Variants in MYO5B observed in about 807,000 individuals in gnomAD.
MYO5B encodes myosin VB.
Under a neutral mutation model 229.3 loss-of-function variants are expected in MYO5B, and 143 were observed. That is an observed-to-expected ratio of 0.62 (90% CI 0.54 to 0.72). The LOEUF is 0.72. Ranked by LOEUF, MYO5B falls within the 30% of genes least tolerant of loss-of-function variation. MYO5B has a pLI of 0.00. For synonymous variants in MYO5B, 918 were observed against 885.2 expected, an observed-to-expected ratio of 1.04 and a Z score of -0.66; for missense variants, 2,321 against 2,331.0, an observed-to-expected ratio of 1.00 and a Z score of 0.09.
intron 15 of MYO5B, among the ~76,000 whole-genome samples, chr18:49,936,961 T>C (rs1435967334): frequency 6.6e-6 from 1 of 152,134 alleles, no homozygotes; most frequent in African/African-American, 2.4e-5. Flanking sequence ...CCCTCTTGCC[T>C]CCCACACTAG....
chr18:49,833,991 G>A (rs938589441), intron 39 of MYO5B, among the ~76,000 whole-genome samples: 1 of 152,152 alleles, frequency 6.6e-6, no homozygotes, highest in African/African-American at 2.4e-5. Context: ...CCTTTAGTCT[G>A]ACTAGGCACC....
At position 49,864,955 on chromosome 18, in the gene MYO5B, C is replaced by A. The variant is rs185630082; in HGVS notation, c.3604-575G>T. Among the ~76,000 whole-genome samples the A allele has an allele frequency of 1.2e-3, 186 of 152,294 alleles. 1 individual carries two copies. The highest frequency in any genetic ancestry group is 3.5e-3 in the African/African-American group (146 of 41,556). Reference sequence around the variant, plus strand: ...TGTCCCTGTCAGCAGAGGAAAAATACCTACATACAGAATTGAATGTGCTAT... The same window carrying A: ...TGTCCCTGTCAGCAGAGGAAAAATAACTACATACAGAATTGAATGTGCTAT... On this transcript the variant is annotated intron_variant, in intron 27 of 39. Transcript: ENST00000285039.
At chr18:49,974,798 G>GACACACACACAGACACACACACACACAC (rs2025731001) in intron 9 of MYO5B, among the ~76,000 whole-genome samples, 183 bp from the exon 10 acceptor site, 3 of 130,996 alleles carry the variant, frequency 2.3e-5, no homozygotes, top group Non-Finnish European at 1.6e-5. Context: ...CACACACACA[G>GACACACACACAGACACACACACACACAC]ACACACACAC....
In MYO5B at chr18:49,824,645, A is replaced by C. The variant is rs931366494; in HGVS notation, c.*1826T>G. ...TTCAAACTAAAGTGCATTAAAAAAC[A>C]AATTATCCTTCACAAACAACTTTAA... is the stretch of plus-strand genomic sequence containing the variant. On this transcript the variant is annotated 3_prime_UTR_variant, in exon 40 of 40. Coordinates refer to ENST00000285039, the MANE Select transcript of MYO5B (RefSeq NM_001080467.3). 1 of 152,236 alleles carries C rather than the reference A, an allele frequency of 6.6e-6. No homozygotes were observed. Among genetic ancestry groups the C allele is most frequent in the African/African-American group, 2.4e-5 (1 of 41,462 alleles). The allele number at this position is 152,236 out of a possible 1,614,324, so 9.4% of individuals were successfully genotyped here.
At chr18:49,947,497 C>G (rs547719606) in intron 14 of MYO5B, among the ~76,000 whole-genome samples, 1 of 152,130 alleles carries the variant, frequency 6.6e-6, no homozygotes, top group African/African-American at 2.4e-5. Context: ...TTTTAATTGA[C>G]GCATAATAAC....
In MYO5B at chr18:49,863,243, C is replaced by A; in HGVS notation, c.3928G>T (p.Val1310Phe). Residue 1310 changes from valine (V) to phenylalanine (F), a missense_variant, in exon 29 of 40, where the codon GTC becomes TTC. Physicochemically the swap from Val to Phe is conservative, Grantham distance 50 (BLOSUM62 -1). Coordinates refer to ENST00000285039, the MANE Select transcript of MYO5B (RefSeq NM_001080467.3). ...CGGCCTTACCTGTTTGTCTGGCAGA[C>A]CCCGTGATAGGCCTCAATGGCATCC... ...QEDAIEAYHG[V>F]CQTNSKTEDW... 6.2e-7 allele frequency: 1 copy of A among 1,613,076 alleles called. No individual in the cohort carries two copies. The highest frequency in any genetic ancestry group is 8.5e-7 in the Non-Finnish European group (1 of 1,179,916).
At chr18:50,086,789 G>T (rs1212619176) in intron 1 of MYO5B, among the ~76,000 whole-genome samples, 1 of 152,182 alleles carries the variant, frequency 6.6e-6, no homozygotes, top group Non-Finnish European at 1.5e-5. Flanking sequence ...TCTGCTTACA[G>T]GCGGAGGGTG....
intron 22 of MYO5B, among the ~76,000 whole-genome samples, chr18:49,894,543 A>C (rs1026860166): frequency 2.8e-4 from 43 of 152,198 alleles, no homozygotes; most frequent in African/African-American, 8.4e-4. Flanking sequence ...ACAGTGCTGC[A>C]TCATGGGCAA....
At position 49,929,564 on chromosome 18, in the gene MYO5B, C is replaced by T; in HGVS notation, c.2038G>A (p.Ala680Thr). Residue 680 changes from alanine to threonine, a missense_variant, in exon 17 of 40, where the codon GCC becomes ACC. Transcript: ENST00000285039. ...DPKRAVQQLR[A>T]CGVLETIRIS... is the part of the protein sequence containing the mutation. ...CGAATCGTCTCCAACACCCCGCAGGCTCTGAGTTGCTGCACTGCTCTCTTT... is the reference window on the plus strand; with the variant it reads ...CGAATCGTCTCCAACACCCCGCAGGTTCTGAGTTGCTGCACTGCTCTCTTT... 6.2e-7 allele frequency: 1 copy of T among 1,606,876 alleles called. No homozygotes were observed. Among genetic ancestry groups the T allele is most frequent in the South Asian group, 1.1e-5 (1 of 90,136 alleles).
chr18:50,169,668 T>C (rs189632736), intron 1 of MYO5B, among the ~76,000 whole-genome samples: 1 of 127,560 alleles, frequency 7.8e-6, no homozygotes, highest in East Asian at 2.3e-4. Flanking sequence ...TAACCCTGGA[T>C]TGGTACCGTT....
chr18:49,881,409 A>C (rs1378666779), intron 22 of MYO5B, among the ~76,000 whole-genome samples: 1 of 152,194 alleles, frequency 6.6e-6, no homozygotes, highest in Admixed American at 6.5e-5. Context: ...TGATGTTGAC[A>C]AAACCAAAAT....
At chr18:49,841,951 C>T (rs2024062860) in intron 34 of MYO5B, among the ~76,000 whole-genome samples, 3 of 152,094 alleles carry the variant, frequency 2.0e-5, no homozygotes, top group African/African-American at 7.2e-5. Flanking sequence ...GCTACAAACC[C>T]TAACTAGGTG....
chr18:50,193,217 G>A (rs947111122), intron 1 of MYO5B, among the ~76,000 whole-genome samples: 3 of 152,216 alleles, frequency 2.0e-5, no homozygotes, highest in African/African-American at 7.2e-5. Context: ...AGCTAAGAGG[G>A]GTGGGGTGCC....
At chr18:50,086,584 T>C (rs900338287) in intron 1 of MYO5B, among the ~76,000 whole-genome samples, 5 of 152,216 alleles carry the variant, frequency 3.3e-5, no homozygotes, top group Admixed American at 2.0e-4. Context: ...GAACCTATTA[T>C]GTGTACCATA....
At chr18:50,151,923 G>A (rs565455087) in intron 1 of MYO5B, among the ~76,000 whole-genome samples, 14 of 152,248 alleles carry the variant, frequency 9.2e-5, no homozygotes, top group African/African-American at 3.1e-4. Context: ...CCCGCTCCAG[G>A]GATGCACAAG....
chr18:50,099,346 AC>A (rs1404516298), intron 1 of MYO5B, among the ~76,000 whole-genome samples: 1 of 152,224 alleles, frequency 6.6e-6, no homozygotes, highest in Non-Finnish European at 1.5e-5. Flanking sequence ...GCTTCTCAAC[AC>A]AGGCAGCTGT....
chr18:49,855,022 A>G (rs561114065), intron 30 of MYO5B, among the ~76,000 whole-genome samples: 6 of 152,346 alleles, frequency 3.9e-5, no homozygotes, highest in South Asian at 4.1e-4. Context: ...GAAAAATAAC[A>G]TGAGATTTGT....
chr18:49,898,573 A>T (rs978961684), intron 21 of MYO5B, among the ~76,000 whole-genome samples: 5 of 152,216 alleles, frequency 3.3e-5, no homozygotes, highest in Admixed American at 6.5e-5. Context: ...AAGAACCAGC[A>T]TTGTATATAT....
chr18:49,978,679 G>A lies in MYO5B; in HGVS notation c.1056+1765C>T, dbSNP rs190631929. Among the ~76,000 whole-genome samples, 449 of 141,024 alleles carry A rather than the reference G, an allele frequency of 3.2e-3. 2 individuals are homozygous for A. The highest frequency in any genetic ancestry group is 4.6e-3 in the Non-Finnish European group (303 of 65,304). 92.5% of individuals were successfully genotyped at this position (141,024 alleles called of 152,430 possible). ...GTTTGGAGTGTCACAAAGGAGAAAG[G>A]TAGGCAGCAAGTAATACACACACAC... On this transcript the variant is annotated intron_variant, in intron 9 of 39. Transcript: ENST00000285039.
Sources: gnomAD v4.1 joint callset for allele counts (sites outside exome capture counted in the v4.1 genomes callset) on GRCh38, gnomAD v4.1.1 for gene constraint, MANE v1.5 for transcripts, NCBI Gene and HGNC (gene_info 2026-07-23, HGNC 2026-07-21) for gene names.